NKD1: variants seen among roughly 807,000 people sequenced by gnomAD.
NKD1 encodes the protein NKD inhibitor of Wnt signaling pathway 1.
Under a neutral mutation model 56.0 loss-of-function variants are expected in NKD1, and 21 were observed. The observed-to-expected ratio is 0.38, with a 90% CI of 0.27 to 0.54. The LOEUF is 0.54. Ranked by LOEUF, NKD1 falls within the 20% of genes least tolerant of loss-of-function variation. NKD1 has a pLI of 0.82. For synonymous variants in NKD1, 263 were observed against 265.7 expected, an observed-to-expected ratio of 0.99 and a Z score of 0.10; for missense variants, 578 against 642.7, an observed-to-expected ratio of 0.90 and a Z score of 1.09.
chr16:50,622,212 G>C (rs1035700763), intron 5 of NKD1, among the ~76,000 whole-genome samples: 3 of 152,236 alleles, frequency 2.0e-5, no homozygotes, highest in African/African-American at 4.8e-5. Context: ...GCAGTGCTTA[G>C]AGGAGGGAGT....
chr16:50,561,940 G>C (rs1960642932), intron 3 of NKD1, among the ~76,000 whole-genome samples: 1 of 152,202 alleles, frequency 6.6e-6, no homozygotes, highest in East Asian at 1.9e-4. Context: ...GGCGGTCACA[G>C]TTGGGTCTGG....
intron 4 of NKD1, 22 bp from the exon 5 acceptor site, chr16:50,621,580 C>T (rs543033267): frequency 2.5e-6 from 4 of 1,585,748 alleles, no homozygotes; most frequent in Non-Finnish European, 3.5e-6. Context: ...TCCTAATGCT[C>T]CCTCGCCTGC....
chr16:50,551,288 G>T (rs1378630937), intron 3 of NKD1, among the ~76,000 whole-genome samples: 1 of 152,234 alleles, frequency 6.6e-6, no homozygotes, highest in Admixed American at 6.5e-5. Flanking sequence ...TGAAGTCACG[G>T]AATTCTGTTG....
In NKD1 at chr16:50,560,150, C is replaced by A. The variant is rs546887841; in HGVS notation, c.192+10595C>A. Among the ~76,000 whole-genome samples the A allele has an allele frequency of 1.2e-4, 18 of 152,304 alleles. No homozygotes were observed. In the South Asian group the frequency reaches 3.7e-3, roughly 32 times the overall value. On this transcript the variant is annotated intron_variant, in intron 3 of 9. Transcript: ENST00000268459. ...GCAAAAAGATGATTGAAGAGAACTA[C>A]TATAATCCAGGAACAAAGTTGCCTT...
intron 3 of NKD1, among the ~76,000 whole-genome samples, chr16:50,600,229 AAAAAC>A (rs961974430): frequency 4.7e-4 from 72 of 151,830 alleles, no homozygotes; most frequent in African/African-American, 1.6e-3. Context: ...TTGTCCTTAA[AAAAAC>A]AAAACAAAAC....
chr16:50,629,100 G>A (rs1164847443), intron 6 of NKD1, among the ~76,000 whole-genome samples: 1 of 151,872 alleles, frequency 6.6e-6, no homozygotes, highest in African/African-American at 2.4e-5. Flanking sequence ...CAAGTAGCTG[G>A]GACTACAGGT....
chr16:50,625,848 G>T (rs201402031), intron 6 of NKD1, among the ~76,000 whole-genome samples: 2 of 152,052 alleles, frequency 1.3e-5, no homozygotes, highest in African/African-American at 2.4e-5. Context: ...AGTTGGGGGG[G>T]GCAGGTGCAG....
intron 3 of NKD1, chr16:50,556,623 A>T (rs1039100837): frequency 6.6e-6 from 1 of 152,274 alleles, no homozygotes; most frequent in African/African-American, 2.4e-5. Flanking sequence ...GCCTCAGCCA[A>T]AGGCTCCCTG....
chr16:50,577,284 T>G (rs556435739), intron 3 of NKD1, among the ~76,000 whole-genome samples: 33 of 152,336 alleles, frequency 2.2e-4, no homozygotes, highest in African/African-American at 7.5e-4. Context: ...AACCTTCTTT[T>G]TTCCCTAAAT....
chr16:50,567,014 C>T (rs971848051), intron 3 of NKD1, among the ~76,000 whole-genome samples: 2 of 150,572 alleles, frequency 1.3e-5, no homozygotes, highest in Admixed American at 6.6e-5. Context: ...GGCCCCCCCC[C>T]TTTTTTTTTA....
Position 50,574,495 on chromosome 16 carries a change from G to A in NKD1, c.192+24940G>A, listed in dbSNP as rs1276573091. Reference sequence around the variant, plus strand: ...CTTGTTTTTGGAAACTCTCCATTTTGCTCCTCCTGCTGCTGGTGGCCGAGG... The same window carrying A: ...CTTGTTTTTGGAAACTCTCCATTTTACTCCTCCTGCTGCTGGTGGCCGAGG... On this transcript the variant is annotated intron_variant, in intron 3 of 9. Coordinates refer to ENST00000268459, the MANE Select transcript of NKD1 (RefSeq NM_033119.5). The A allele has an allele frequency of 4.1e-6, 4 of 985,322 alleles. No individual in the cohort carries two copies. In the African/African-American group the frequency reaches 7.0e-5, roughly 17 times the overall value. The allele number at this position is 985,322 out of a possible 1,614,324, so 61.0% of individuals were successfully genotyped here. A position where few individuals can be genotyped will look rare whatever the true frequency, so the allele number is the denominator to read the frequency against.
Position 50,551,245 on chromosome 16 carries a change from G to A in NKD1, c.192+1690G>A, listed in dbSNP as rs1283246373. ...CATTGGGGGAAGTGAGGGAGGGTGG[G>A]GAGGGGGCCCCAGCTTAAGTCTGTG... On this transcript the variant is annotated intron_variant, in intron 3 of 9. Transcript: ENST00000268459. 3.9e-5 allele frequency among the ~76,000 whole-genome samples: 6 copies of A among 152,106 alleles called. No individual in the cohort carries two copies. In the Middle Eastern group the frequency reaches 0.014, roughly 345 times the overall value.
intron 6 of NKD1, among the ~76,000 whole-genome samples, chr16:50,626,313 T>C (rs1377732017): frequency 6.6e-6 from 1 of 152,228 alleles, no homozygotes; most frequent in African/African-American, 2.4e-5. Context: ...CCTGGAGCTT[T>C]GACCTTCTGA....
chr16:50,602,932 C>A (rs551758758), intron 3 of NKD1, among the ~76,000 whole-genome samples: 2 of 152,350 alleles, frequency 1.3e-5, no homozygotes, highest in African/African-American at 4.8e-5. Context: ...CTAAACATCA[C>A]TGGATTCGAA....
At chr16:50,606,821 C>T (rs1052430720) in intron 3 of NKD1, 15 of 456,698 alleles carry the variant, frequency 3.3e-5, no homozygotes, top group Non-Finnish European at 5.7e-5. Context: ...GCTCTGCCTA[C>T]CAGCCTTTCA....
chr16:50,618,134 A>G (rs951743533), intron 4 of NKD1, among the ~76,000 whole-genome samples: 1 of 152,118 alleles, frequency 6.6e-6, no homozygotes, highest in Non-Finnish European at 1.5e-5. Context: ...TAGGCAAGTG[A>G]AAGGCCTTTT....
chr16:50,629,501 C>T (rs967811014), intron 6 of NKD1, among the ~76,000 whole-genome samples: 4 of 152,162 alleles, frequency 2.6e-5, no homozygotes, highest in Non-Finnish European at 5.9e-5. Flanking sequence ...TCCCTGGGTC[C>T]ACCTCAAAGT....
At position 50,638,438 on chromosome 16, in the gene NKD1, G is replaced by A; in HGVS notation, c.*4657G>A. The A allele has an allele frequency of 6.5e-6, 1 of 152,792 alleles. No homozygotes were observed. The highest frequency in any genetic ancestry group is 1.5e-5 in the Non-Finnish European group (1 of 68,348). 9.5% of individuals were successfully genotyped at this position (152,792 alleles called of 1,614,324 possible). On this transcript the variant is annotated 3_prime_UTR_variant, in exon 10 of 10. Transcript: ENST00000268459. ...CTGCCTCGGCCTCCCCAGACCAGCTGCACCCAGCCCCCAACACGCACCCCT... is the reference window on the plus strand; with the variant it reads ...CTGCCTCGGCCTCCCCAGACCAGCTACACCCAGCCCCCAACACGCACCCCT...
chr16:50,625,883 G>T (rs1962201860), intron 6 of NKD1, among the ~76,000 whole-genome samples: 1 of 152,236 alleles, frequency 6.6e-6, no homozygotes, highest in Non-Finnish European at 1.5e-5. Flanking sequence ...TCTGGAGATG[G>T]CCCCAAGGCC....
Sources: gnomAD v4.1 joint callset for allele counts (sites outside exome capture counted in the v4.1 genomes callset) on GRCh38, gnomAD v4.1.1 for gene constraint, MANE v1.5 for transcripts, NCBI Gene and HGNC (gene_info 2026-07-23, HGNC 2026-07-21) for gene names.